Variants in MINPP1 observed in about 807,000 individuals in gnomAD.
MINPP1 encodes the protein multiple inositol-polyphosphate phosphatase 1, also known as multiple inositol polyphosphate phosphatase 1.
Under a neutral mutation model 46.1 loss-of-function variants are expected in MINPP1, and 28 were observed. That is an observed-to-expected ratio of 0.61 (90% CI 0.45 to 0.83). The LOEUF is 0.83. Among genes scored for constraint, MINPP1 ranks in the 40% least tolerant of loss-of-function variants. The pLI, the probability that MINPP1 is intolerant of heterozygous loss-of-function variation, is 0.00. For synonymous variants in MINPP1, 268 were observed against 249.1 expected, an observed-to-expected ratio of 1.08 and a Z score of -0.72; for missense variants, 603 against 610.0, an observed-to-expected ratio of 0.99 and a Z score of 0.12.
At chr10:87,515,113 G>A (rs140130449) in intron 3 of MINPP1, among the ~76,000 whole-genome samples, 101 of 152,168 alleles carry the variant, frequency 6.6e-4, no homozygotes, top group African/African-American at 2.1e-3. Flanking sequence ...TTGGCCGGGC[G>A]TGGTGGTTCA....
intron 4 of MINPP1, among the ~76,000 whole-genome samples, chr10:87,537,043 TCTC>T (rs1168392322): frequency 2.0e-5 from 3 of 152,142 alleles, no homozygotes; most frequent in Non-Finnish European, 4.4e-5. Context: ...CTCAAGCAGT[TCTC>T]CTGGCTCAGC....
chr10:87,520,474 A>T, intron 3 of MINPP1, among the ~76,000 whole-genome samples: 1 of 152,114 alleles, frequency 6.6e-6, no homozygotes, highest in Admixed American at 6.6e-5. Context: ...CCATTTCCCC[A>T]TATCCTTGGT....
intron 3 of MINPP1, among the ~76,000 whole-genome samples, chr10:87,518,721 T>A (rs569165131): frequency 2.0e-5 from 3 of 152,344 alleles, no homozygotes; most frequent in South Asian, 4.1e-4. Context: ...TGACCTCTTC[T>A]TTGGGTTCAG....
chr10:87,552,795 C>G lies in MINPP1; in HGVS notation c.*317C>G. The G allele has an allele frequency of 2.9e-6, 1 of 348,404 alleles. No homozygotes were observed. Among genetic ancestry groups the G allele is most frequent in the Non-Finnish European group, 5.3e-6 (1 of 187,612 alleles). 21.6% of individuals were successfully genotyped at this position (348,404 alleles called of 1,614,324 possible). ...ATAGAATTGTGATTTCATAATAACA[C>G]TTGAAAAGTGCTGGAGTAACAAAAT... On this transcript the variant is annotated 3_prime_UTR_variant, in exon 5 of 5. Transcript: ENST00000371996.
In MINPP1 at chr10:87,524,627, G is replaced by T. The variant is rs60603071; in HGVS notation, c.1067+3458G>T. ...CTAAGCTTAATCATATCTAGCTTTT[G>T]AGTTAAAGTGAAAGATGTGTGAGTC... On this transcript the variant is annotated intron_variant, in intron 4 of 4. Coordinates refer to ENST00000371996, the MANE Select transcript of MINPP1 (RefSeq NM_004897.5). 8.5e-5 allele frequency among the ~76,000 whole-genome samples: 13 copies of T among 152,174 alleles called. No individual in the cohort carries two copies. In the East Asian group the frequency reaches 2.5e-3, roughly 29 times the overall value.
intron 4 of MINPP1, among the ~76,000 whole-genome samples, chr10:87,524,351 G>A (rs2131818650): frequency 6.6e-6 from 1 of 152,286 alleles, no homozygotes. Context: ...TAGAATTGAG[G>A]AGAGTTAGAG....
At chr10:87,520,543 T>C (rs992188948) in intron 3 of MINPP1, among the ~76,000 whole-genome samples, 1 of 152,196 alleles carries the variant, frequency 6.6e-6, no homozygotes, top group Non-Finnish European at 1.5e-5. Context: ...ACTCATTTTC[T>C]ATTTGACTTC....
chr10:87,523,037 T>A (rs890013177), intron 4 of MINPP1, among the ~76,000 whole-genome samples: 3 of 152,230 alleles, frequency 2.0e-5, no homozygotes, highest in Non-Finnish European at 4.4e-5. Context: ...TCAAGTTTGA[T>A]CATGATATTG....
chr10:87,514,485 A>G (rs1851383102), intron 3 of MINPP1, among the ~76,000 whole-genome samples: 2 of 152,126 alleles, frequency 1.3e-5, no homozygotes, highest in African/African-American at 4.8e-5. Context: ...CATTTCTTTT[A>G]GTCTCGTTTA....
chr10:87,526,514 T>C (rs1851579051), intron 4 of MINPP1, among the ~76,000 whole-genome samples: 1 of 152,216 alleles, frequency 6.6e-6, no homozygotes, highest in Non-Finnish European at 1.5e-5. Context: ...ACTCTGATGG[T>C]AGGTTCTTTT....
At chr10:87,536,823 T>A (rs1003100612) in intron 4 of MINPP1, among the ~76,000 whole-genome samples, 6 of 152,264 alleles carry the variant, frequency 3.9e-5, no homozygotes, top group African/African-American at 1.4e-4. Flanking sequence ...ATTCACAGTT[T>A]TAAGGCTATT....
At chr10:87,508,660 T>C in intron 2 of MINPP1, 127 bp downstream of exon 2, 2 of 940,352 alleles carry the variant, frequency 2.1e-6, no homozygotes, top group Non-Finnish European at 3.2e-6. Flanking sequence ...AAATAATATG[T>C]TCTGGGTCAA....
At chr10:87,528,812 TAA>T (rs1851615326) in intron 4 of MINPP1, among the ~76,000 whole-genome samples, 1 of 152,214 alleles carries the variant, frequency 6.6e-6, no homozygotes, top group Non-Finnish European at 1.5e-5. Flanking sequence ...AGTGGGGTGT[TAA>T]AGTCTCCCGT....
chr10:87,524,271 T>A (rs1361080050), intron 4 of MINPP1, among the ~76,000 whole-genome samples: 1 of 152,240 alleles, frequency 6.6e-6, no homozygotes, highest in Non-Finnish European at 1.5e-5. Flanking sequence ...CTTTTTTCCT[T>A]AAACCCCATG....
chr10:87,508,160 A>G (rs1282647078), intron 1 of MINPP1, 176 bp from the exon 2 acceptor site: 102 of 1,540,982 alleles, frequency 6.6e-5, no homozygotes, highest in Non-Finnish European at 8.7e-5. Context: ...CGTTACAGCC[A>G]TTATAAATGG....
chr10:87,518,465 C>G (rs894654625), intron 3 of MINPP1, among the ~76,000 whole-genome samples: 3 of 152,004 alleles, frequency 2.0e-5, no homozygotes, highest in African/African-American at 4.8e-5. Flanking sequence ...GACAGACTCT[C>G]TCAAGCCGTG....
chr10:87,537,102 A>G (rs1851746731), intron 4 of MINPP1, among the ~76,000 whole-genome samples: 1 of 151,832 alleles, frequency 6.6e-6, no homozygotes. Flanking sequence ...ACGCCCAGAT[A>G]ATTTTTGTAT....
chr10:87,551,390 C>A (rs1022718152), intron 4 of MINPP1, among the ~76,000 whole-genome samples: 1 of 151,778 alleles, frequency 6.6e-6, no homozygotes, highest in African/African-American at 2.4e-5. Flanking sequence ...TCATTCACTG[C>A]TTCTTAATAA....
chr10:87,514,798 C>T (rs1326000464), intron 3 of MINPP1, among the ~76,000 whole-genome samples: 1 of 152,088 alleles, frequency 6.6e-6, no homozygotes, highest in Non-Finnish European at 1.5e-5. Context: ...TAACTGAAAC[C>T]TCTGCCTCCC....
Sources: gnomAD v4.1 joint callset for allele counts (sites outside exome capture counted in the v4.1 genomes callset) on GRCh38, gnomAD v4.1.1 for gene constraint, MANE v1.5 for transcripts, NCBI Gene and HGNC (gene_info 2026-07-23, HGNC 2026-07-21) for gene names.